SETX: variants seen among roughly 807,000 people sequenced by gnomAD.
SETX encodes senataxin, also known as helicase senataxin.
In SETX, 90 loss-of-function variants were observed where a neutral mutation model predicts 227.2. The ratio of observed to expected loss-of-function variants is 0.40; its 90% CI spans 0.33 to 0.47. The LOEUF (loss-of-function observed/expected upper bound fraction) is 0.47. SETX is among the 20% of genes least tolerant of loss of function. SETX has a pLI of 0.91. For missense variants in SETX, 3,052 were observed against 3,181.5 expected, an observed-to-expected ratio of 0.96 and a Z score of 0.98; for synonymous variants, 1,210 against 1,113.2, an observed-to-expected ratio of 1.09 and a Z score of -1.73.
chr9:132,321,661 AAAAAAAAAAAAACTAC>A (rs1291088604), intron 10 of SETX, among the ~76,000 whole-genome samples: 1 of 148,320 alleles, frequency 6.7e-6, no homozygotes, highest in Non-Finnish European at 1.5e-5. Context: ...TCTCAAAAAA[AAAAAAAAAAAAACTAC>A]AAAAAAAAAA....
In SETX at chr9:132,321,257, C is replaced by T. The variant is rs1159104499; in HGVS notation, c.5274+5067G>A. Among the ~76,000 whole-genome samples, 18 of 152,164 alleles carry T rather than the reference C, an allele frequency of 1.2e-4. 1 individual carries two copies. Among genetic ancestry groups the T allele is most frequent in the Admixed American group, 1.0e-3 (16 of 15,272 alleles). ...TTGGGAGGCCGGGCGCGGTGGCTCA[C>T]GCCTGTAATCCCAGCACTTTGGGAG... is the stretch of plus-strand genomic sequence containing the variant. On this transcript the variant is annotated intron_variant, in intron 10 of 25. Coordinates refer to ENST00000224140, the MANE Select transcript of SETX (RefSeq NM_015046.7).
At chr9:132,317,874 C>T (rs561149047) in intron 10 of SETX, among the ~76,000 whole-genome samples, 1 of 152,240 alleles carries the variant, frequency 6.6e-6, no homozygotes, top group Admixed American at 6.5e-5. Context: ...CTCAATATAA[C>T]TGCTTATGTA....
chr9:132,275,881 AAC>A (rs371116531), intron 22 of SETX, among the ~76,000 whole-genome samples: 3 of 152,154 alleles, frequency 2.0e-5, no homozygotes, highest in African/African-American at 7.2e-5. Flanking sequence ...GGCTGCATAC[AAC>A]ACACACCACA....
chr9:132,291,849 C>T (rs1474565383), intron 15 of SETX, among the ~76,000 whole-genome samples: 1 of 152,042 alleles, frequency 6.6e-6, no homozygotes, highest in African/African-American at 2.4e-5. Context: ...TAAATTTCTA[C>T]AATGGGAGCT....
Position 132,290,699 on chromosome 9 carries a change from A to AT in SETX, c.6107-2049_6107-2048insA, listed in dbSNP as rs1844244218. Among the ~76,000 whole-genome samples, 4 of 151,962 alleles carry AT rather than the reference A, an allele frequency of 2.6e-5. No individual in the cohort carries two copies. In the South Asian group the frequency reaches 8.3e-4, roughly 32 times the overall value. ...CGCTTGAATCCAGGAGTCTGAGACCAGCCTGGGCAACATGATGAAACTCCA... is the reference window on the plus strand; with the variant it reads ...CGCTTGAATCCAGGAGTCTGAGACCATGCCTGGGCAACATGATGAAACTCCA... On this transcript the variant is annotated intron_variant, in intron 15 of 25. Transcript: ENST00000224140.
chr9:132,342,974 A>C (rs1273816524), intron 4 of SETX, among the ~76,000 whole-genome samples, 175 bp from the exon 5 acceptor site: 1 of 152,200 alleles, frequency 6.6e-6, no homozygotes, highest in Non-Finnish European at 1.5e-5. Flanking sequence ...CTGACAGGCT[A>C]AATCCGTTGA....
intron 10 of SETX, among the ~76,000 whole-genome samples, chr9:132,320,742 C>T (rs556537590): frequency 3.0e-4 from 46 of 152,124 alleles, no homozygotes; most frequent in African/African-American, 1.1e-3. Flanking sequence ...ATTGAACACA[C>T]ACCATTTCCT....
chr9:132,328,866 GATGATT>G lies in SETX; in HGVS notation c.2726_2731del (p.Lys909_Ser911delinsThr). 1 of 1,613,998 alleles carries G rather than the reference GATGATT, an allele frequency of 6.2e-7. No homozygotes were observed. The highest frequency in any genetic ancestry group is 8.5e-7 in the Non-Finnish European group (1 of 1,179,974). ...TACAGTCATAAGATCTTTAAAGGGA[GATGATT>G]TCTTCTCTGAAGCATTGGTCATTTC... On this transcript the variant is annotated inframe_deletion, in exon 10 of 26. Transcript: ENST00000224140.
chr9:132,334,534 G>A, intron 7 of SETX, 74 bp downstream of exon 7: 1 of 1,503,064 alleles, frequency 6.7e-7, no homozygotes, highest in Non-Finnish European at 9.3e-7. Context: ...ACCAATTCCT[G>A]CAGTGACACT....
upstream of SETX, among the ~76,000 whole-genome samples, chr9:132,355,554 T>A (rs1207195894): frequency 3.3e-5 from 5 of 152,186 alleles, no homozygotes; most frequent in Admixed American, 3.3e-4. Flanking sequence ...GCAGAGTAAA[T>A]CCCTCGCTGG....
In SETX at chr9:132,347,208, C is replaced by CGCCA. The variant is rs1335279804; in HGVS notation, c.178-741_178-738dup. ...CGGAGGTTGCAGTGAGCCAAGATCA[C>CGCCA]GCCACTGCACTCCAGCCTGGGCAAC... On this transcript the variant is annotated intron_variant, in intron 3 of 25. Transcript: ENST00000224140. Among the ~76,000 whole-genome samples the CGCCA allele has an allele frequency of 2.0e-5, 3 of 151,338 alleles. No homozygotes were observed. The East Asian group carries it at 5.9e-4, about 30-fold the overall frequency.
intron 10 of SETX, among the ~76,000 whole-genome samples, chr9:132,312,632 C>T (rs983324509): frequency 4.6e-5 from 7 of 152,108 alleles, no homozygotes; most frequent in African/African-American, 1.7e-4. Flanking sequence ...ACCAAGACTC[C>T]ACAAGGGTTA....
Position 132,288,675 on chromosome 9 carries a change from G to A in SETX, c.6107-24C>T, listed in dbSNP as rs765663562. On this transcript the variant is annotated intron_variant, in intron 15 of 25. Transcript: ENST00000224140. ...TCCTGTTGATAAGAATCACAGTTAA[G>A]GACTAATAAGGACACTGCTGATCAA... The A allele has an allele frequency of 3.6e-6, 5 of 1,396,808 alleles. No individual in the cohort carries two copies. In the South Asian group the frequency reaches 4.6e-5, roughly 13 times the overall value. 86.5% of individuals were successfully genotyped at this position (1,396,808 alleles called of 1,614,324 possible).
intron 15 of SETX, among the ~76,000 whole-genome samples, chr9:132,292,838 C>T (rs1204454081): frequency 6.6e-6 from 1 of 152,080 alleles, no homozygotes; most frequent in African/African-American, 2.4e-5. Context: ...TGGGTTTCAC[C>T]GTGTTAGCCA....
At chr9:132,332,590 G>C (rs894363848) in intron 7 of SETX, among the ~76,000 whole-genome samples, 1 of 152,176 alleles carries the variant, frequency 6.6e-6, no homozygotes, top group African/African-American at 2.4e-5. Context: ...GTTAGATGAA[G>C]ACAATTATGA....
At chr9:132,333,566 TACTC>T (rs1847403364) in intron 7 of SETX, among the ~76,000 whole-genome samples, 1 of 151,784 alleles carries the variant, frequency 6.6e-6, no homozygotes, top group Admixed American at 6.6e-5. Context: ...GAAAAAATTA[TACTC>T]ATTATGTTTT....
rs140901205 is a variant in SETX at position 132,284,744 on chromosome 9, C to T, written c.6397-1331G>A. ...ATCAAAGTGCTGTACTTTCTTTTGC[C>T]GAATTCTGCCCACCATCACTCTACT... On this transcript the variant is annotated intron_variant, in intron 18 of 25. Coordinates refer to ENST00000224140, the MANE Select transcript of SETX (RefSeq NM_015046.7). 2.6e-5 allele frequency among the ~76,000 whole-genome samples: 4 copies of T among 152,220 alleles called. No individual in the cohort carries two copies. In the East Asian group the frequency reaches 5.8e-4, roughly 22 times the overall value.
At chr9:132,296,854 G>C (rs1211193800) in intron 14 of SETX, 33 bp downstream of exon 14, 2 of 1,603,332 alleles carry the variant, frequency 1.2e-6, no homozygotes, top group East Asian at 2.2e-5. Context: ...GATACAGCTA[G>C]TTAACAGCAT....
At chr9:132,339,966 T>C (rs1459952736) in intron 5 of SETX, among the ~76,000 whole-genome samples, 1 of 152,168 alleles carries the variant, frequency 6.6e-6, no homozygotes, top group Non-Finnish European at 1.5e-5. Context: ...TTCTGGGACG[T>C]CTTACATCTT....
Sources: gnomAD v4.1 joint callset for allele counts (sites outside exome capture counted in the v4.1 genomes callset) on GRCh38, gnomAD v4.1.1 for gene constraint, MANE v1.5 for transcripts, NCBI Gene and HGNC (gene_info 2026-07-23, HGNC 2026-07-21) for gene names.